MCU: variants seen among roughly 807,000 people sequenced by gnomAD.
The protein encoded by MCU is mitochondrial calcium uniporter.
In MCU, 12 loss-of-function variants were observed where a neutral mutation model predicts 45.2. The observed-to-expected ratio is 0.27, with a 90% confidence interval of 0.17 to 0.43. The LOEUF (loss-of-function observed/expected upper bound fraction) is 0.43. Among genes scored for constraint, MCU ranks in the 20% least tolerant of loss-of-function variants. The pLI is 1.00. For synonymous variants in MCU, 160 were observed against 165.1 expected (o/e 0.97, Z 0.24); for missense variants, 324 against 436.7 (o/e 0.74, Z 2.30).
chr10:72,746,933 G>A (rs1046294685), intron 1 of MCU, among the ~76,000 whole-genome samples: 4 of 152,248 alleles, frequency 2.6e-5, no homozygotes, highest in African/African-American at 9.6e-5. Context: ...TTTGAAATTT[G>A]GAAATATAAA....
intron 6 of MCU, among the ~76,000 whole-genome samples, chr10:72,877,167 G>A (rs1323457847): frequency 6.6e-6 from 1 of 151,864 alleles, no homozygotes; most frequent in Non-Finnish European, 1.5e-5. Context: ...GTGATCCTCC[G>A]CCTCAGCCTC....
intron 1 of MCU, among the ~76,000 whole-genome samples, chr10:72,704,113 G>A (rs1842790022): frequency 6.6e-6 from 1 of 152,176 alleles, no homozygotes; most frequent in Admixed American, 6.5e-5. Flanking sequence ...AGGTGATCAG[G>A]TAGGTAACGC....
rs532443919 is a variant in MCU at position 72,803,518 on chromosome 10, C to T, written c.151-30841C>T. ...GCAAGCTGTAAAGTCTGAGAAAAGG[C>T]TTCTGTTTTTAAAGGCTTTTCAGTT... On this transcript the variant is annotated intron_variant, in intron 1 of 7. Coordinates refer to ENST00000373053, the MANE Select transcript of MCU (RefSeq NM_138357.3). Among the ~76,000 whole-genome samples, 3 of 151,978 alleles carry T rather than the reference C, an allele frequency of 2.0e-5. No homozygotes were observed. The South Asian group carries it at 6.2e-4, about 32-fold the overall frequency.
chr10:72,798,913 T>C (rs981936206), intron 1 of MCU, among the ~76,000 whole-genome samples: 3 of 152,140 alleles, frequency 2.0e-5, no homozygotes, highest in Non-Finnish European at 4.4e-5. Context: ...CTTTGACAGT[T>C]GTGTATGTGG....
intron 1 of MCU, among the ~76,000 whole-genome samples, chr10:72,784,421 T>G (rs1367252367): frequency 6.6e-6 from 1 of 152,236 alleles, no homozygotes; most frequent in Non-Finnish European, 1.5e-5. Flanking sequence ...TCAAGCCACC[T>G]TGTAGCTGTG....
intron 1 of MCU, among the ~76,000 whole-genome samples, chr10:72,729,695 G>A (rs551019510): frequency 6.6e-6 from 1 of 152,218 alleles, no homozygotes; most frequent in Admixed American, 6.5e-5. Context: ...GACTTTAGAT[G>A]CACTAACCGG....
intron 1 of MCU, among the ~76,000 whole-genome samples, chr10:72,772,630 G>A (rs950882582): frequency 1.3e-5 from 2 of 152,222 alleles, no homozygotes; most frequent in African/African-American, 2.4e-5. Flanking sequence ...CTGGGAGGCA[G>A]AGGTTGCAAT....
Position 72,709,226 on chromosome 10 carries a change from C to T in MCU, c.150+16925C>T, listed in dbSNP as rs73284900. The stretch of plus-strand genomic sequence containing the variant: ...GTCTTGTGTATTTCCATTCTGTCCC[C>T]ACTGTATCCTGTATTTTGCACTGCC... On this transcript the variant is annotated intron_variant, in intron 1 of 7. Coordinates refer to ENST00000373053, the MANE Select transcript of MCU (RefSeq NM_138357.3). 8.6e-4 allele frequency among the ~76,000 whole-genome samples: 131 copies of T among 152,264 alleles called. 1 individual carries two copies. Among genetic ancestry groups the T allele is most frequent in the African/African-American group, 3.1e-3 (127 of 41,552 alleles).
intron 2 of MCU, 43 bp from the exon 3 acceptor site, chr10:72,859,134 T>C (rs750416954): frequency 1.3e-6 from 2 of 1,511,552 alleles, no homozygotes; most frequent in Non-Finnish European, 1.8e-6. Flanking sequence ...TTAACTTACA[T>C]TGAAATCCAA....
intron 2 of MCU, among the ~76,000 whole-genome samples, chr10:72,844,407 G>A (rs748218489): frequency 2.0e-5 from 3 of 151,216 alleles, no homozygotes; most frequent in Non-Finnish European, 4.4e-5. Flanking sequence ...TAAAAAAATA[G>A]AAATACAAAA....
At chr10:72,794,679 G>A (rs1306990954) in intron 1 of MCU, among the ~76,000 whole-genome samples, 2 of 151,920 alleles carry the variant, frequency 1.3e-5, no homozygotes, top group Non-Finnish European at 2.9e-5. Flanking sequence ...TAGACAGACC[G>A]ACACCCCCAA....
intron 6 of MCU, among the ~76,000 whole-genome samples, chr10:72,879,441 A>G (rs1017072249): frequency 1.3e-5 from 2 of 152,192 alleles, no homozygotes; most frequent in Non-Finnish European, 2.9e-5. Context: ...AGCCAAAGAC[A>G]ATGGAATAGT....
chr10:72,809,666 A>C (rs949943475), intron 1 of MCU, among the ~76,000 whole-genome samples: 22 of 152,236 alleles, frequency 1.4e-4, no homozygotes, highest in African/African-American at 5.3e-4. Context: ...AGGACTCAAG[A>C]CATTATTTTC....
At chr10:72,857,838 A>G (rs973296889) in intron 2 of MCU, among the ~76,000 whole-genome samples, 3 of 152,230 alleles carry the variant, frequency 2.0e-5, no homozygotes, top group African/African-American at 7.2e-5. Flanking sequence ...TCTATGCTAT[A>G]CTTTTGTAGA....
intron 1 of MCU, among the ~76,000 whole-genome samples, chr10:72,748,719 A>G (rs59759577): frequency 0.059 from 8,921 of 152,138 alleles, 880 homozygotes; most frequent in African/African-American, 0.2. Flanking sequence ...GAAATACTTC[A>G]TTGTTTAAAA....
intron 1 of MCU, among the ~76,000 whole-genome samples, chr10:72,814,420 T>TA (rs1203068551): frequency 6.6e-6 from 1 of 152,164 alleles, no homozygotes; most frequent in Non-Finnish European, 1.5e-5. Context: ...CCTGGTGCAT[T>TA]AAAACCTATC....
chr10:72,700,033 G>A (rs1234924667), intron 1 of MCU, among the ~76,000 whole-genome samples: 6 of 150,162 alleles, frequency 4.0e-5, no homozygotes, highest in Non-Finnish European at 7.4e-5. Flanking sequence ...GCTGAGAGTG[G>A]TTCTAAAAAG....
intron 1 of MCU, among the ~76,000 whole-genome samples, chr10:72,700,855 A>AT (rs1466990536): frequency 1.3e-5 from 2 of 152,004 alleles, no homozygotes; most frequent in East Asian, 3.9e-4. Context: ...GTTTTTATGT[A>AT]TTTTTTCTTG....
At chr10:72,877,113 G>T (rs1845629933) in intron 6 of MCU, among the ~76,000 whole-genome samples, 1 of 151,852 alleles carries the variant, frequency 6.6e-6, no homozygotes, top group Admixed American at 6.6e-5. Context: ...TGTAGACAGG[G>T]TTTCCCTACA....
Sources: allele counts gnomAD v4.1 joint callset (sites outside exome capture counted in the v4.1 genomes callset), GRCh38; gene constraint gnomAD v4.1.1; transcripts MANE v1.5; gene names NCBI Gene and HGNC (gene_info 2026-07-23, HGNC 2026-07-21).